The following SPAG16 variants were observed in gnomAD, a reference collection of about 807,000 sequenced individuals.
The protein encoded by SPAG16 is sperm associated antigen 16.
SPAG16 carries 86 observed loss-of-function variants against 80.4 expected under a neutral mutation model. That is an observed-to-expected ratio of 1.07 (90% CI 0.90 to 1.28). SPAG16 has a LOEUF of 1.28. SPAG16 is among the 50% of genes most tolerant of loss of function. The probability of loss-of-function intolerance (pLI) is 0.00; values close to 1 mark genes in which losing one functional copy is unlikely to be tolerated. For synonymous variants in SPAG16, 294 were observed against 265.9 expected (o/e 1.11, Z -1.03); for missense variants, 870 against 765.3 (o/e 1.14, Z -1.61).
At chr2:213,588,660 G>GGC (rs1559285011) in intron 10 of SPAG16, among the ~76,000 whole-genome samples, 2 of 150,812 alleles carry the variant, frequency 1.3e-5, no homozygotes, top group African/African-American at 4.8e-5. Context: ...AAATCAGCCG[G>GGC]GCGCGGTGGC....
chr2:213,907,027 A>T (rs1179354882), intron 11 of SPAG16, among the ~76,000 whole-genome samples: 3 of 152,188 alleles, frequency 2.0e-5, no homozygotes, highest in Admixed American at 6.5e-5. Flanking sequence ...TATCAAACTA[A>T]AAAGCTTTGG....
intron 13 of SPAG16, among the ~76,000 whole-genome samples, chr2:214,048,328 T>G (rs1368762748): frequency 1.3e-5 from 2 of 152,148 alleles, no homozygotes; most frequent in Non-Finnish European, 2.9e-5. Context: ...AACAGATGAC[T>G]GGACAAAGAA....
At position 213,357,711 on chromosome 2, in the gene SPAG16, G is replaced by A. The variant is rs185497411; in HGVS notation, c.763-6365G>A. On this transcript the variant is annotated intron_variant, in intron 7 of 15. Coordinates refer to ENST00000331683, the MANE Select transcript of SPAG16 (RefSeq NM_024532.5). ...CTGATGGGTCTTGACTGTTAATCCA[G>A]TTTGCCAGTCTGTGTCTTTTAATTG... Among the ~76,000 whole-genome samples the A allele has an allele frequency of 1.9e-3, 284 of 152,172 alleles. 1 individual carries two copies. The highest frequency in any genetic ancestry group is 5.9e-3 in the African/African-American group (246 of 41,534).
At chr2:213,300,568 A>T (rs1360769132) in intron 3 of SPAG16, among the ~76,000 whole-genome samples, 2 of 152,154 alleles carry the variant, frequency 1.3e-5, no homozygotes, top group African/African-American at 2.4e-5. Context: ...AAATATGGGG[A>T]TCTAGCTGTT....
intron 5 of SPAG16, chr2:213,317,876 T>C (rs1039431348): frequency 3.3e-5 from 9 of 269,850 alleles, no homozygotes; most frequent in Non-Finnish European, 4.0e-5. Context: ...AGGCTGTGCA[T>C]GTGTGGGAGT....
At chr2:213,951,771 T>A (rs182486574) in intron 12 of SPAG16, among the ~76,000 whole-genome samples, 2 of 152,262 alleles carry the variant, frequency 1.3e-5, no homozygotes, top group East Asian at 3.9e-4. Context: ...CTGGCTGACG[T>A]TGAGTCACAC....
intron 10 of SPAG16, among the ~76,000 whole-genome samples, chr2:213,626,967 C>A (rs1233701529): frequency 6.6e-6 from 1 of 151,978 alleles, no homozygotes; most frequent in Non-Finnish European, 1.5e-5. Flanking sequence ...TCTTTTTAGA[C>A]CAAAGTACTA....
At chr2:214,329,062 T>C (rs1696703594) in intron 15 of SPAG16, among the ~76,000 whole-genome samples, 1 of 152,180 alleles carries the variant, frequency 6.6e-6, no homozygotes, top group Non-Finnish European at 1.5e-5. Context: ...CATCATATCT[T>C]TGTGACAAAA....
At chr2:213,860,308 A>T (rs970979384) in intron 10 of SPAG16, among the ~76,000 whole-genome samples, 1 of 150,760 alleles carries the variant, frequency 6.6e-6, no homozygotes, top group African/African-American at 2.4e-5. Flanking sequence ...CCTTGCTGAA[A>T]TGTGTGTAGA....
intron 15 of SPAG16, among the ~76,000 whole-genome samples, chr2:214,261,798 A>G (rs1691200733): frequency 6.6e-6 from 1 of 152,126 alleles, no homozygotes; most frequent in African/African-American, 2.4e-5. Flanking sequence ...TTTGTATTCT[A>G]ACTTGTCTCA....
At chr2:213,774,579 G>C (rs1490268001) in intron 10 of SPAG16, among the ~76,000 whole-genome samples, 2 of 152,082 alleles carry the variant, frequency 1.3e-5, no homozygotes, top group Non-Finnish European at 2.9e-5. Context: ...GAGTTAATGG[G>C]GGTTAGGATT....
At chr2:214,284,512 C>A (rs753370669) in intron 15 of SPAG16, among the ~76,000 whole-genome samples, 5 of 152,162 alleles carry the variant, frequency 3.3e-5, no homozygotes, top group African/African-American at 1.2e-4. Context: ...TCTAGCTCCA[C>A]GCACCTATCA....
chr2:214,151,378 C>A (rs547210609), intron 15 of SPAG16, among the ~76,000 whole-genome samples: 26 of 151,740 alleles, frequency 1.7e-4, no homozygotes, highest in African/African-American at 6.0e-4. Flanking sequence ...AAATTAAGAG[C>A]CAAACAAAAT....
intron 15 of SPAG16, among the ~76,000 whole-genome samples, chr2:214,175,313 AAAGAAATATATATAT>A (rs1433569274): frequency 6.8e-6 from 1 of 146,394 alleles, no homozygotes; most frequent in Non-Finnish European, 1.5e-5. Flanking sequence ...ATATATATAT[AAAGAAATATATATAT>A]AAAGAAATAT....
At chr2:213,555,352 C>T (rs895139945) in intron 10 of SPAG16, among the ~76,000 whole-genome samples, 1 of 152,120 alleles carries the variant, frequency 6.6e-6, no homozygotes, top group Non-Finnish European at 1.5e-5. Context: ...CAGCTTCCGA[C>T]ACACTGTTCT....
At position 213,930,144 on chromosome 2, in the gene SPAG16, A is replaced by C. The variant is rs1243846222; in HGVS notation, c.1399A>C (p.Ser467Arg). The change falls in exon 12 of 16, where the codon AGT (serine) becomes CGT (arginine). Residue 467 changes from serine (S) to arginine (R), a missense_variant and splice_region_variant. Ser to Arg is a moderately radical substitution (Grantham distance 110). Transcript: ENST00000331683. ...AACTAGCAAAATTTGGGATGTTAATAGGTAAGAAGTACTTTAAACATTACT... is the reference window on the plus strand; with the variant it reads ...AACTAGCAAAATTTGGGATGTTAATCGGTAAGAAGTACTTTAAACATTACT... ...DKTSKIWDVN[S>R]ERCRCTLYGH... The C allele has an allele frequency of 6.2e-7, 1 of 1,612,792 alleles. No homozygotes were observed. The highest frequency in any genetic ancestry group is 8.5e-7 in the Non-Finnish European group (1 of 1,179,178).
At chr2:213,742,843 G>T (rs1330258325) in intron 10 of SPAG16, among the ~76,000 whole-genome samples, 1 of 152,066 alleles carries the variant, frequency 6.6e-6, no homozygotes, top group Non-Finnish European at 1.5e-5. Flanking sequence ...GATTACAGGC[G>T]TGAGCCACCG....
At chr2:213,386,075 C>T (rs755696388) in intron 9 of SPAG16, among the ~76,000 whole-genome samples, 2 of 152,096 alleles carry the variant, frequency 1.3e-5, no homozygotes, top group African/African-American at 2.4e-5. Flanking sequence ...TTAATTTCTT[C>T]ATCTTTGAAA....
At chr2:214,402,791 A>G (rs968870457) in intron 15 of SPAG16, among the ~76,000 whole-genome samples, 2 of 152,086 alleles carry the variant, frequency 1.3e-5, no homozygotes, top group African/African-American at 2.4e-5. Flanking sequence ...ACTTATTCCC[A>G]GGAAACTAGT....
Sources: allele counts gnomAD v4.1 joint callset (sites outside exome capture counted in the v4.1 genomes callset), GRCh38; gene constraint gnomAD v4.1.1; transcripts MANE v1.5; gene names NCBI Gene and HGNC (gene_info 2026-07-23, HGNC 2026-07-21).